IL1RAPL2: variants seen among roughly 807,000 people sequenced by gnomAD.
IL1RAPL2 encodes X-linked interleukin-1 receptor accessory protein-like 2.
Under a neutral mutation model 44.1 loss-of-function variants are expected in IL1RAPL2, and 3 were observed. The ratio of observed to expected loss-of-function variants is 0.07; its 90% CI spans 0.03 to 0.18. IL1RAPL2 has a LOEUF of 0.18. Among genes scored for constraint, IL1RAPL2 ranks in the 10% least tolerant of loss-of-function variants. IL1RAPL2 has a pLI of 1.00. For missense variants in IL1RAPL2, 391 were observed against 496.4 expected (o/e 0.79, Z 2.02); for synonymous variants, 181 against 178.8 (o/e 1.01, Z -0.10).
intron 5 of IL1RAPL2, among the ~76,000 whole-genome samples, chrX:105,293,524 A>G (rs2034631314): frequency 8.9e-6 from 1 of 112,308 alleles, no homozygotes; most frequent in Non-Finnish European, 1.9e-5. Context: ...AATCTTTGTC[A>G]GCAGTTTTCC....
intron 6 of IL1RAPL2, among the ~76,000 whole-genome samples, chrX:105,689,423 C>G (rs1217951441): frequency 8.9e-6 from 1 of 112,184 alleles, no homozygotes; most frequent in African/African-American, 3.2e-5. Flanking sequence ...TGAACAGACA[C>G]TTCTCAAAAA....
intron 6 of IL1RAPL2, among the ~76,000 whole-genome samples, chrX:105,681,838 T>C (rs768260263): frequency 2.1e-4 from 24 of 112,155 alleles, no homozygotes; most frequent in Admixed American, 9.5e-4. Flanking sequence ...CAGAAGCCTA[T>C]ACCCAAAAGT....
chrX:104,637,989 G>A (rs1197584085), intron 1 of IL1RAPL2, among the ~76,000 whole-genome samples: 1 of 111,236 alleles, frequency 9.0e-6, no homozygotes, highest in East Asian at 2.8e-4. Flanking sequence ...AAGCCATCTG[G>A]TCTTGGATGT....
At chrX:105,260,812 C>T (rs1296463630) in intron 4 of IL1RAPL2, among the ~76,000 whole-genome samples, 1 of 112,559 alleles carries the variant, frequency 8.9e-6, no homozygotes, top group Non-Finnish European at 1.9e-5. Flanking sequence ...AAAGATTCCC[C>T]CTGCCCCCGG....
At chrX:104,895,731 C>T (rs1923623474) in intron 2 of IL1RAPL2, among the ~76,000 whole-genome samples, 1 of 111,953 alleles carries the variant, frequency 8.9e-6, no homozygotes, top group African/African-American at 3.2e-5. Context: ...CCTTGTTCTT[C>T]CCAGGTAAGG....
chrX:104,618,494 C>T, intron 1 of IL1RAPL2, among the ~76,000 whole-genome samples: 1 of 111,983 alleles, frequency 8.9e-6, no homozygotes, highest in Non-Finnish European at 1.9e-5. Context: ...AGGTTCTTTG[C>T]ACAGGGATGG....
chrX:104,876,470 C>G (rs1922901465), intron 2 of IL1RAPL2, among the ~76,000 whole-genome samples: 1 of 111,042 alleles, frequency 9.0e-6, no homozygotes, highest in African/African-American at 3.3e-5. Context: ...TTAACAAAAT[C>G]AAAATGTTTC....
chrX:105,468,752 G>C (rs968629588), intron 5 of IL1RAPL2, among the ~76,000 whole-genome samples: 1 of 111,587 alleles, frequency 9.0e-6, no homozygotes, highest in Admixed American at 9.6e-5. Context: ...GGCCACCAGA[G>C]AGCCTTCTCT....
intron 5 of IL1RAPL2, among the ~76,000 whole-genome samples, chrX:105,391,551 T>C (rs774139459): frequency 0.021 from 2,001 of 96,784 alleles, 66 homozygotes; most frequent in African/African-American, 0.074. Flanking sequence ...TTGGTGGGAC[T>C]GTAAACTAGT....
intron 4 of IL1RAPL2, among the ~76,000 whole-genome samples, chrX:105,243,910 G>C (rs1362118209): frequency 9.0e-6 from 1 of 111,233 alleles, no homozygotes; most frequent in Non-Finnish European, 1.9e-5. Context: ...AAGCCAAAAG[G>C]TTAGCAGACT....
At chrX:104,724,344 T>G (rs1254900724) in intron 2 of IL1RAPL2, among the ~76,000 whole-genome samples, 3 of 111,048 alleles carry the variant, frequency 2.7e-5, no homozygotes, top group Non-Finnish European at 5.7e-5. Context: ...AGGATAGCAT[T>G]AGGAGATATA....
intron 3 of IL1RAPL2, among the ~76,000 whole-genome samples, chrX:105,223,647 G>T (rs781787564): frequency 8.9e-6 from 1 of 111,919 alleles, no homozygotes; most frequent in African/African-American, 3.2e-5. Context: ...CTGTTAAGAG[G>T]TTCCTTCAAC....
At chrX:105,264,790 C>T (rs1238905892) in intron 4 of IL1RAPL2, among the ~76,000 whole-genome samples, 1 of 111,739 alleles carries the variant, frequency 8.9e-6, no homozygotes, top group African/African-American at 3.3e-5. Context: ...ACATTTTAAC[C>T]TAGAGATGTC....
intron 2 of IL1RAPL2, among the ~76,000 whole-genome samples, chrX:105,070,294 G>C (rs1250952745): frequency 4.5e-5 from 5 of 111,557 alleles, no homozygotes; most frequent in Non-Finnish European, 9.4e-5. Context: ...AACCCTTCAG[G>C]CTTCTCTAGT....
intron 6 of IL1RAPL2, among the ~76,000 whole-genome samples, chrX:105,522,658 T>G (rs1312594419): frequency 1.8e-5 from 2 of 112,335 alleles, no homozygotes; most frequent in African/African-American, 6.5e-5. Flanking sequence ...GACTTGATCT[T>G]ACATCCATAG....
chrX:105,245,438 G>C (rs966812242), intron 4 of IL1RAPL2, among the ~76,000 whole-genome samples: 11 of 111,494 alleles, frequency 9.9e-5, no homozygotes, highest in African/African-American at 2.9e-4. Flanking sequence ...AATCCAGCCT[G>C]TCTGAGGAAT....
intron 6 of IL1RAPL2, among the ~76,000 whole-genome samples, chrX:105,609,329 A>G (rs758984799): frequency 5.9e-5 from 3 of 50,515 alleles, no homozygotes; most frequent in South Asian, 3.5e-3. Context: ...TAGTCATACA[A>G]CATTGTGAAT....
chrX:105,222,825 A>T (rs782732198), intron 3 of IL1RAPL2, among the ~76,000 whole-genome samples: 1 of 111,130 alleles, frequency 9.0e-6, no homozygotes, highest in Admixed American at 9.6e-5. Flanking sequence ...ATTTTTTGGG[A>T]TGAGTTCACC....
intron 2 of IL1RAPL2, among the ~76,000 whole-genome samples, chrX:104,768,739 C>A (rs917523061): frequency 9.0e-6 from 1 of 111,606 alleles, no homozygotes; most frequent in African/African-American, 3.3e-5. Context: ...TGAGAAGCTG[C>A]AAGTTTCTAG....
Sources: gnomAD v4.1 joint callset for allele counts (sites outside exome capture counted in the v4.1 genomes callset) on GRCh38, gnomAD v4.1.1 for gene constraint, MANE v1.5 for transcripts, NCBI Gene and HGNC (gene_info 2026-07-23, HGNC 2026-07-21) for gene names.